Variants in ACSF2 observed in about 807,000 individuals in gnomAD.
ACSF2 encodes acyl-CoA synthetase family member 2, also known as medium-chain acyl-CoA ligase ACSF2, mitochondrial.
Under a neutral mutation model 79.3 loss-of-function variants are expected in ACSF2, and 52 were observed. The ratio of observed to expected loss-of-function variants is 0.66; its 90% CI spans 0.53 to 0.83. The LOEUF is 0.83. ACSF2 is among the 40% of genes least tolerant of loss of function. The pLI is 0.00. For missense variants in ACSF2, 661 were observed against 803.3 expected, an observed-to-expected ratio of 0.82 and a Z score of 2.14; for synonymous variants, 283 against 312.6, an observed-to-expected ratio of 0.91 and a Z score of 1.00.
At position 50,467,941 on chromosome 17, in the gene ACSF2, A is replaced by C. The variant is rs1300954833; in HGVS notation, c.1216-3087A>C. ...CTTGGAGATAGCCAGAGGGACAGGGAACCTGGGGACGGGGGATGGTGCCAG... is the reference window on the plus strand; with the variant it reads ...CTTGGAGATAGCCAGAGGGACAGGGCACCTGGGGACGGGGGATGGTGCCAG... On this transcript the variant is annotated intron_variant, in intron 10 of 15. Transcript: ENST00000300441. 1.2e-5 allele frequency: 15 copies of C among 1,297,292 alleles called. 1 individual carries two copies. The highest frequency in any genetic ancestry group is 1.0e-4 in the South Asian group (7 of 66,774). 80.4% of individuals were successfully genotyped at this position (1,297,292 alleles called of 1,614,324 possible).
intron 1 of ACSF2, among the ~76,000 whole-genome samples, chr17:50,454,153 A>T (rs2031845014): frequency 6.8e-6 from 1 of 147,824 alleles, no homozygotes; most frequent in African/African-American, 2.5e-5. Flanking sequence ...TGAGCGACAG[A>T]GTAAGACCGT....
intron 1 of ACSF2, among the ~76,000 whole-genome samples, chr17:50,432,936 G>C (rs573238200): frequency 9.1e-4 from 139 of 152,266 alleles, no homozygotes; most frequent in African/African-American, 3.2e-3. Context: ...GCTGTGATTT[G>C]AAGTATGCAG....
chr17:50,465,290 C>T (rs2143741955), intron 10 of ACSF2: 1 of 1,614,010 alleles, frequency 6.2e-7, no homozygotes, highest in Non-Finnish European at 8.5e-7. Context: ...TACCTGGCCC[C>T]CACCTGTTTA....
intron 1 of ACSF2, among the ~76,000 whole-genome samples, chr17:50,443,883 G>A (rs1249524121): frequency 6.6e-6 from 1 of 152,068 alleles, no homozygotes; most frequent in Non-Finnish European, 1.5e-5. Context: ...TGATCATCTA[G>A]TGCTCTAGCT....
rs375258657 is a variant in ACSF2 at position 50,463,107 on chromosome 17, G to A, written c.793-49G>A. ...GCTCTTCAAGGCAGTGGCCCAGGGT[G>A]GGAAGGAGATGAGAAGGAGGCCAAG... On this transcript the variant is annotated intron_variant, in intron 6 of 15. Transcript: ENST00000300441. This position sits in a 1 kb window ranked among gnomAD's most constrained non-coding sequence, Gnocchi z 4.6. 5.3e-6 allele frequency: 8 copies of A among 1,501,906 alleles called. No homozygotes were observed. Among genetic ancestry groups the A allele is most frequent in the African/African-American group, 2.8e-5 (2 of 72,460 alleles). The allele number at this position is 1,501,906 out of a possible 1,614,324, so 93.0% of individuals were successfully genotyped here.
chr17:50,468,952 T>TGGAGCATC, intron 10 of ACSF2: 1 of 1,403,462 alleles, frequency 7.1e-7, no homozygotes, highest in African/African-American at 1.5e-5. Context: ...AGCTCCTACG[T>TGGAGCATC]GGAGCATCGA....
At chr17:50,428,055 G>T (rs1400135641) in intron 1 of ACSF2, among the ~76,000 whole-genome samples, 2 of 152,202 alleles carry the variant, frequency 1.3e-5, no homozygotes, top group African/African-American at 2.4e-5. Context: ...CAGGCAAGGT[G>T]GTTTATGCCT....
Position 50,471,414 on chromosome 17 carries a change from CT to C in ACSF2, c.1323+280del. 1 of 449,756 alleles carries C rather than the reference CT, an allele frequency of 2.2e-6. No individual in the cohort carries two copies. Among genetic ancestry groups the C allele is most frequent in the East Asian group, 4.0e-5 (1 of 24,756 alleles). 27.9% of individuals were successfully genotyped at this position (449,756 alleles called of 1,614,324 possible). ...GGTGTGTTTTTGCCAAGCCCACTGT[CT>C]GTTTCAGGGCAGCCAGGGTAGCCTC... On this transcript the variant is annotated intron_variant, in intron 11 of 15. Coordinates refer to ENST00000300441, the MANE Select transcript of ACSF2 (RefSeq NM_025149.6). The surrounding 1 kb of genome is among the most constrained non-coding windows in gnomAD (Gnocchi z 4.1).
chr17:50,465,244 G>T, intron 10 of ACSF2: 3 of 1,608,250 alleles, frequency 1.9e-6, no homozygotes, highest in Non-Finnish European at 2.6e-6. Context: ...CAGCTCACTT[G>T]CTGGAATCAC....
rs149413165 is a variant in ACSF2, at chr17:50,458,528, C to T, written c.129-2149C>T. On this transcript the variant is annotated intron_variant, in intron 1 of 15. Coordinates refer to ENST00000300441, the MANE Select transcript of ACSF2 (RefSeq NM_025149.6). ...TGGAGCCCCAGGTGATCCCAGATTC[C>T]GTCTTACAGGTGCTCCTAGGACCAC... 3.3e-5 allele frequency among the ~76,000 whole-genome samples: 5 copies of T among 152,254 alleles called. No homozygotes were observed. The East Asian group carries it at 5.8e-4, about 18-fold the overall frequency.
intron 1 of ACSF2, among the ~76,000 whole-genome samples, chr17:50,449,884 T>C (rs925824156): frequency 2.0e-5 from 3 of 152,178 alleles, no homozygotes; most frequent in African/African-American, 4.8e-5. Flanking sequence ...CTTTCCCAAC[T>C]GAAATTCTGT....
chr17:50,441,557 T>G (rs1382743814), intron 1 of ACSF2, among the ~76,000 whole-genome samples: 3 of 152,170 alleles, frequency 2.0e-5, no homozygotes, highest in Non-Finnish European at 4.4e-5. Flanking sequence ...CAGTCCTGGG[T>G]TTGAATCCCA....
In ACSF2 at chr17:50,474,011, GCCTCCGC is replaced by G; in HGVS notation, c.1728+8_1728+14del. 6.6e-7 allele frequency: 1 copy of G among 1,516,844 alleles called. No homozygotes were observed. The highest frequency in any genetic ancestry group is 8.8e-7 in the Non-Finnish European group (1 of 1,132,038). The allele number at this position is 1,516,844 out of a possible 1,614,324, so 94.0% of individuals were successfully genotyped here. ...AGCTTTCTGCAAAGGGAAGGTGGGA[GCCTCCGC>G]TCAACCTAGCTGATGCTGCTCTGTT... On this transcript the variant is annotated splice_region_variant and intron_variant, in intron 14 of 15. Coordinates refer to ENST00000300441, the MANE Select transcript of ACSF2 (RefSeq NM_025149.6). This position sits in a 1 kb window ranked among gnomAD's most constrained non-coding sequence, Gnocchi z 4.2.
intron 1 of ACSF2, among the ~76,000 whole-genome samples, chr17:50,437,035 A>T (rs1232481653): frequency 1.3e-5 from 2 of 152,188 alleles, no homozygotes; most frequent in Non-Finnish European, 2.9e-5. Context: ...CTCTACTCCC[A>T]TATCAACGAC....
intron 1 of ACSF2, among the ~76,000 whole-genome samples, chr17:50,440,261 A>T (rs1236626776): frequency 6.6e-6 from 1 of 151,414 alleles, no homozygotes; most frequent in African/African-American, 2.4e-5. Flanking sequence ...TGGCCTCAGC[A>T]TGGGGACTGT....
intron 10 of ACSF2, among the ~76,000 whole-genome samples, chr17:50,466,925 G>A (rs1442308374): frequency 6.6e-6 from 1 of 152,218 alleles, no homozygotes; most frequent in African/African-American, 2.4e-5. Flanking sequence ...GCTGAAGAAG[G>A]GCAGGCTTGA....
chr17:50,467,714 C>T (rs1010764678), intron 10 of ACSF2: 1 of 266,588 alleles, frequency 3.8e-6, no homozygotes, highest in African/African-American at 2.2e-5. Context: ...GTGGAAGGCC[C>T]AACAGGAAGA....
At chr17:50,462,993 G>A (rs941329585) in intron 6 of ACSF2, 163 bp from the exon 7 acceptor site, 2 of 657,170 alleles carry the variant, frequency 3.0e-6, no homozygotes, top group Middle Eastern at 4.0e-4. Flanking sequence ...GCTGGACCCT[G>A]ACACCTGGTA....
intron 10 of ACSF2, chr17:50,465,988 T>C (rs2032684188): frequency 2.7e-6 from 3 of 1,103,026 alleles, no homozygotes; most frequent in African/African-American, 1.5e-5. Context: ...CTTTGAGGAG[T>C]TTCCCAGTTT....
Sources: gnomAD v4.1 joint callset for allele counts (sites outside exome capture counted in the v4.1 genomes callset) on GRCh38, gnomAD v4.1.1 for gene constraint, Gnocchi (gnomAD v3.1) non-coding constraint, MANE v1.5 for transcripts, NCBI Gene and HGNC (gene_info 2026-07-23, HGNC 2026-07-21) for gene names.